CRTAP: variants seen among roughly 807,000 people sequenced by gnomAD.
The protein encoded by CRTAP is cartilage-associated protein.
In CRTAP, 33 loss-of-function variants were observed where a neutral mutation model predicts 42.7. That is an observed-to-expected ratio of 0.77 (90% CI 0.59 to 1.03). The LOEUF (loss-of-function observed/expected upper bound fraction) is 1.03. CRTAP is among the 50% of genes least tolerant of loss of function. CRTAP has a pLI of 0.00. For missense variants in CRTAP, 613 were observed against 533.9 expected (o/e 1.15, Z -1.46); for synonymous variants, 243 against 217.7 (o/e 1.12, Z -1.02).
chr3:33,128,007 C>G (rs140853208), intron 3 of CRTAP, among the ~76,000 whole-genome samples: 2,537 of 152,178 alleles, frequency 0.017, 79 homozygotes, highest in African/African-American at 0.058. Context: ...CTTGCCCTCC[C>G]AAAGTGCTGG....
intron 6 of CRTAP, among the ~76,000 whole-genome samples, chr3:33,142,168 A>G (rs2030593647): frequency 6.6e-6 from 1 of 152,188 alleles, no homozygotes; most frequent in Non-Finnish European, 1.5e-5. Flanking sequence ...CTCACACAGC[A>G]TGTTGGCGGA....
rs1370062497 is a variant in CRTAP, at chr3:33,144,883, T to G, written c.*2435T>G. On this transcript the variant is annotated 3_prime_UTR_variant, in exon 7 of 7. Transcript: ENST00000320954. ...GTGTGGTGTTCTGGAAGCTGAGCTT[T>G]CTTTATTCAACCTCATTCCCTTCTC... 1 of 152,248 alleles carries G rather than the reference T, an allele frequency of 6.6e-6. No individual in the cohort carries two copies. Among genetic ancestry groups the G allele is most frequent in the Non-Finnish European group, 1.5e-5 (1 of 68,058 alleles). The allele number at this position is 152,248 out of a possible 1,614,324, so 9.4% of individuals were successfully genotyped here.
chr3:33,144,832 C>T lies in CRTAP; in HGVS notation c.*2384C>T, dbSNP rs1269216832. On this transcript the variant is annotated 3_prime_UTR_variant, in exon 7 of 7. Transcript: ENST00000320954. ...CAGCCAAAGGACTGAGAAGGAGTTA[C>T]CTTAAGGTCAGAGAAAACCAAGAGA... The T allele has an allele frequency of 6.6e-6, 1 of 152,198 alleles. No homozygotes were observed. The highest frequency in any genetic ancestry group is 1.5e-5 in the Non-Finnish European group (1 of 68,060). The allele number at this position is 152,198 out of a possible 1,614,324, so 9.4% of individuals were successfully genotyped here.
rs911330041 is a variant in CRTAP at position 33,147,660 on chromosome 3, CTT to C, written c.*5214_*5215del. On this transcript the variant is annotated 3_prime_UTR_variant, in exon 7 of 7. Transcript: ENST00000320954. ...GCTGATGTCTTTTTCTGCCTCCCCT[CTT>C]TGGGTTAGTGTGGTATGTACAAGCT... is the stretch of plus-strand genomic sequence containing the variant. 1 of 152,230 alleles carries C rather than the reference CTT, an allele frequency of 6.6e-6. No individual in the cohort carries two copies. The highest frequency in any genetic ancestry group is 2.4e-5 in the African/African-American group (1 of 41,450). 9.4% of individuals were successfully genotyped at this position (152,230 alleles called of 1,614,324 possible).
chr3:33,124,459 T>A lies in CRTAP; in HGVS notation c.673T>A (p.Ser225Thr). The change falls in exon 3 of 7, where the codon TCC (serine) becomes ACC (threonine). Residue 225 changes from serine (S) to threonine (T), a missense_variant. Coordinates refer to ENST00000320954, the MANE Select transcript of CRTAP (RefSeq NM_006371.5). ...ATACAACGGTGAGAACTGGAGAACA[T>A]CCATCACAGACATGGAGCTGGCCCT... is the stretch of plus-strand genomic sequence containing the variant. ...RAYNGENWRTSITDMELALPD... is the reference protein window; with the variant it reads ...RAYNGENWRTTITDMELALPD... 6.2e-7 allele frequency: 1 copy of A among 1,614,184 alleles called. No homozygotes were observed. The highest frequency in any genetic ancestry group is 8.5e-7 in the Non-Finnish European group (1 of 1,180,026).
chr3:33,124,501 G>T lies in CRTAP; in HGVS notation c.715G>T (p.Ala239Ser). ...MELALPDFFK[A>S]FYECLAACEG... ...GCTGGCCCTTCCCGACTTCTTCAAAGCCTTTTACGAGTGTCTCGCAGCCTG... is the reference window on the plus strand; with the variant it reads ...GCTGGCCCTTCCCGACTTCTTCAAATCCTTTTACGAGTGTCTCGCAGCCTG... The change falls in exon 3 of 7, where the codon GCC becomes TCC. Residue 239 changes from alanine (A) to serine (S), a missense_variant. Physicochemically the swap from Ala to Ser is moderately conservative, Grantham distance 99. Coordinates refer to ENST00000320954, the MANE Select transcript of CRTAP (RefSeq NM_006371.5). 1 of 1,614,204 alleles carries T rather than the reference G, an allele frequency of 6.2e-7. No homozygotes were observed. The highest frequency in any genetic ancestry group is 8.5e-7 in the Non-Finnish European group (1 of 1,180,034).
At chr3:33,136,872 C>T (rs984933539) in intron 6 of CRTAP, among the ~76,000 whole-genome samples, 1 of 152,142 alleles carries the variant, frequency 6.6e-6, no homozygotes, top group Non-Finnish European at 1.5e-5. Flanking sequence ...TACATTTCAA[C>T]ATGAGATTTG....
rs2030610758 is a variant in CRTAP, at chr3:33,142,667, T to C, written c.*219T>C. The C allele has an allele frequency of 1.9e-6, 1 of 533,414 alleles. No homozygotes were observed. The highest frequency in any genetic ancestry group is 3.2e-5 in the East Asian group (1 of 31,034). The allele number at this position is 533,414 out of a possible 1,614,324, so 33.0% of individuals were successfully genotyped here. Reference sequence around the variant, plus strand: ...TGTTCACACCTATCTTTCTCACCTTTTTTTTGAGATGGAGTCTCGCTCTCT... The same window carrying C: ...TGTTCACACCTATCTTTCTCACCTTCTTTTTGAGATGGAGTCTCGCTCTCT... On this transcript the variant is annotated 3_prime_UTR_variant, in exon 7 of 7. Transcript: ENST00000320954.
intron 2 of CRTAP, among the ~76,000 whole-genome samples, chr3:33,122,614 C>T (rs958986519): frequency 4.1e-5 from 6 of 145,504 alleles, no homozygotes; most frequent in Non-Finnish European, 8.9e-5. Context: ...GAGACTGAGG[C>T]AGAGAGAATT....
chr3:33,124,368 G>T, intron 2 of CRTAP, 40 bp from the exon 3 acceptor site: 1 of 1,612,430 alleles, frequency 6.2e-7, no homozygotes, highest in Non-Finnish European at 8.5e-7. Context: ...CTCCCTTCAC[G>T]CCCAAGAGCG....
rs754206799 is a variant in CRTAP at position 33,142,444 on chromosome 3, G to A, written c.1202G>A (p.Ser401Asn). The change falls in exon 7 of 7, where the codon AGC (serine) becomes AAC (asparagine). Residue 401 changes from serine to asparagine, a missense_variant. Physicochemically the swap from Ser to Asn is conservative, Grantham distance 46. Coordinates refer to ENST00000320954, the MANE Select transcript of CRTAP (RefSeq NM_006371.5). ...GACCTCTTGGAACTGGAGGAGACCAGCTAGCCCACAGCAACCAAAGAGACT... is the reference window on the plus strand; with the variant it reads ...GACCTCTTGGAACTGGAGGAGACCAACTAGCCCACAGCAACCAAAGAGACT... ...VDDLLELEETS is the reference protein window; with the variant it reads ...VDDLLELEETN 72 of 1,613,992 alleles carry A rather than the reference G, an allele frequency of 4.5e-5. No individual in the cohort carries two copies. In the South Asian group the frequency reaches 7.8e-4, roughly 17 times the overall value.
chr3:33,123,985 C>T (rs1313367399), intron 2 of CRTAP, among the ~76,000 whole-genome samples: 1 of 152,036 alleles, frequency 6.6e-6, no homozygotes, highest in African/African-American at 2.4e-5. Flanking sequence ...GTGTATAATG[C>T]AGTAAGTTTT....
intron 1 of CRTAP, among the ~76,000 whole-genome samples, chr3:33,119,793 G>A (rs1300607303): frequency 6.6e-6 from 1 of 152,340 alleles, no homozygotes; most frequent in African/African-American, 2.4e-5. Context: ...TTCTGCCACA[G>A]GGGTGATAGC....
chr3:33,137,088 T>C (rs529374110), intron 6 of CRTAP, among the ~76,000 whole-genome samples: 40 of 152,162 alleles, frequency 2.6e-4, no homozygotes, highest in Non-Finnish European at 4.7e-4. Flanking sequence ...TTAATAGCCA[T>C]GCTAGTGGAT....
chr3:33,141,504 A>G (rs73826233), intron 6 of CRTAP, among the ~76,000 whole-genome samples: 4,096 of 152,242 alleles, frequency 0.027, 162 homozygotes, highest in African/African-American at 0.091. Flanking sequence ...ATGCTGCAAG[A>G]TTTTTATAAA....
At chr3:33,132,321 G>T (rs2030289833) in intron 4 of CRTAP, among the ~76,000 whole-genome samples, 1 of 152,188 alleles carries the variant, frequency 6.6e-6, no homozygotes, top group Non-Finnish European at 1.5e-5. Flanking sequence ...GTGGAACATA[G>T]GCATTTCTCC....
chr3:33,137,570 TGTA>T (rs958047903), intron 6 of CRTAP, among the ~76,000 whole-genome samples: 2 of 152,368 alleles, frequency 1.3e-5, no homozygotes, highest in African/African-American at 4.8e-5. Context: ...ATTATTGTGT[TGTA>T]GAAGTTCTTT....
chr3:33,142,103 G>A (rs1417763066), intron 6 of CRTAP, among the ~76,000 whole-genome samples: 1 of 152,186 alleles, frequency 6.6e-6, no homozygotes, highest in Non-Finnish European at 1.5e-5. Flanking sequence ...GGAGTAGGCA[G>A]AGATGCACAC....
rs758223063 is a variant in CRTAP, at chr3:33,144,960, G to A, written c.*2512G>A. ...CCCTCCAGGGTTGAAGGCAAGAGGAGAAAGGCACAGCGTTTGGGAAACAAG... is the reference window on the plus strand; with the variant it reads ...CCCTCCAGGGTTGAAGGCAAGAGGAAAAAGGCACAGCGTTTGGGAAACAAG... On this transcript the variant is annotated 3_prime_UTR_variant, in exon 7 of 7. Coordinates refer to ENST00000320954, the MANE Select transcript of CRTAP (RefSeq NM_006371.5). The A allele has an allele frequency of 6.6e-6, 1 of 152,270 alleles. No individual in the cohort carries two copies. The highest frequency in any genetic ancestry group is 2.1e-4 in the South Asian group (1 of 4,834). The allele number at this position is 152,270 out of a possible 1,614,324, so 9.4% of individuals were successfully genotyped here. A position where few individuals can be genotyped will look rare whatever the true frequency, so the allele number is the denominator to read the frequency against.
Sources: gnomAD v4.1 joint callset for allele counts (sites outside exome capture counted in the v4.1 genomes callset) on GRCh38, gnomAD v4.1.1 for gene constraint, MANE v1.5 for transcripts, NCBI Gene and HGNC (gene_info 2026-07-23, HGNC 2026-07-21) for gene names.